The following CA1 variants were observed in gnomAD, a reference collection of about 807,000 sequenced individuals.
CA1 encodes carbonate dehydratase I.
Under a neutral mutation model 28.8 loss-of-function variants are expected in CA1, and 27 were observed. That is an observed-to-expected ratio of 0.94 (90% CI 0.69 to 1.29). The LOEUF (loss-of-function observed/expected upper bound fraction) is 1.29. Ranked by LOEUF, CA1 falls within the 50% of genes most tolerant of loss-of-function variation. The pLI is 0.00. For missense variants in CA1, 335 were observed against 310.5 expected, an observed-to-expected ratio of 1.08 and a Z score of -0.59; for synonymous variants, 121 against 108.8, an observed-to-expected ratio of 1.11 and a Z score of -0.70.
intron 1 of CA1, among the ~76,000 whole-genome samples, chr8:85,344,150 T>TATAAAATATA (rs1321816205): frequency 1.3e-4 from 18 of 133,836 alleles, no homozygotes; most frequent in Non-Finnish European, 2.8e-4. Context: ...TAATTATATA[T>TATAAAATATA]TATATACTGT....
At chr8:85,345,906 T>C (rs529258818) in intron 1 of CA1, among the ~76,000 whole-genome samples, 51 of 152,216 alleles carry the variant, frequency 3.4e-4, no homozygotes, top group Non-Finnish European at 3.7e-4. Flanking sequence ...ATCTAACTCT[T>C]CAAATATAGT....
At chr8:85,353,184 T>C (rs749126133) in intron 1 of CA1, among the ~76,000 whole-genome samples, 3 of 152,236 alleles carry the variant, frequency 2.0e-5, no homozygotes, top group Non-Finnish European at 2.9e-5. Context: ...TGTGCCACAC[T>C]AATAACTAAC....
chr8:85,332,881 A>G (rs577260882), intron 5 of CA1, among the ~76,000 whole-genome samples: 3 of 152,304 alleles, frequency 2.0e-5, no homozygotes, highest in African/African-American at 4.8e-5. Flanking sequence ...GGTCTGTTAT[A>G]TTAGTTTTCA....
intron 1 of CA1, among the ~76,000 whole-genome samples, chr8:85,348,635 A>G (rs879534509): frequency 1.3e-5 from 2 of 152,344 alleles, no homozygotes; most frequent in East Asian, 3.9e-4. Context: ...AGTATCTACA[A>G]CGTTCCTTTA....
chr8:85,329,771 G>A lies in CA1; in HGVS notation c.587C>T (p.Pro196Leu), dbSNP rs61734484. 4,565 of 1,605,782 alleles carry A rather than the reference G, an allele frequency of 2.8e-3. 113 individuals are homozygous for A. In the African/African-American group the frequency reaches 0.052, roughly 18 times the overall value. ...AAGAGGAGGATGAGTCAGAGAGCCA[G>A]GGTAGGTCCAGAAATCCAGGGATGA... ...LPSSLDFWTYPGSLTHPPLYE... is the reference protein window; with the variant it reads ...LPSSLDFWTYLGSLTHPPLYE... The change falls in exon 7 of 8, where the codon CCT becomes CTT. Residue 196 changes from proline (P) to leucine (L), a missense_variant. By Grantham distance (98) the Pro-to-Leu change is moderately conservative (BLOSUM62 -3). Transcript: ENST00000523022.
In CA1 at chr8:85,328,535, A is replaced by G; in HGVS notation, c.*25T>C. The G allele has an allele frequency of 8.0e-7, 1 of 1,248,422 alleles. No homozygotes were observed. The highest frequency in any genetic ancestry group is 1.2e-5 in the South Asian group (1 of 82,948). 77.3% of individuals were successfully genotyped at this position (1,248,422 alleles called of 1,614,324 possible). ...CAGAAGCAGGGCTGTGTTCTTGAGG[A>G]AGGACAAGTTTCTTCTCAGAATCAT... is the stretch of plus-strand genomic sequence containing the variant. On this transcript the variant is annotated 3_prime_UTR_variant, in exon 8 of 8. Coordinates refer to ENST00000523022, the MANE Select transcript of CA1 (RefSeq NM_001128831.4).
chr8:85,372,778 A>G (rs1052967365), intron 1 of CA1, among the ~76,000 whole-genome samples: 1 of 151,850 alleles, frequency 6.6e-6, no homozygotes, highest in African/African-American at 2.4e-5. Context: ...ACAGCATCCC[A>G]CTCCATCCTG....
intron 4 of CA1, among the ~76,000 whole-genome samples, chr8:85,334,991 A>AAAAT (rs1187149137): frequency 2.6e-5 from 3 of 117,316 alleles, no homozygotes; most frequent in African/African-American, 1.2e-4. Context: ...CTCTTTCTCA[A>AAAAT]AAATAAATAA....
chr8:85,371,865 G>T (rs1810239349), intron 1 of CA1, among the ~76,000 whole-genome samples: 1 of 152,114 alleles, frequency 6.6e-6, no homozygotes, highest in Non-Finnish European at 1.5e-5. Flanking sequence ...GTGGCTAAAA[G>T]AATTGTGGCC....
chr8:85,347,520 G>A (rs1809246091), intron 1 of CA1, among the ~76,000 whole-genome samples: 1 of 152,174 alleles, frequency 6.6e-6, no homozygotes, highest in African/African-American at 2.4e-5. Context: ...TGCCTTGCCT[G>A]TAATTTCAGG....
intron 1 of CA1, among the ~76,000 whole-genome samples, chr8:85,377,700 G>A (rs1810469815): frequency 6.6e-6 from 1 of 152,150 alleles, no homozygotes; most frequent in Non-Finnish European, 1.5e-5. Flanking sequence ...CTACTCGGGA[G>A]GCTGAGGCAG....
chr8:85,352,152 C>A (rs759674869), intron 1 of CA1, among the ~76,000 whole-genome samples: 16 of 152,248 alleles, frequency 1.1e-4, no homozygotes, highest in Non-Finnish European at 2.1e-4. Context: ...AGGTCTGCAT[C>A]CAAATCATTC....
At chr8:85,361,536 G>C (rs752075591) in intron 1 of CA1, among the ~76,000 whole-genome samples, 3 of 151,978 alleles carry the variant, frequency 2.0e-5, no homozygotes, top group Non-Finnish European at 4.4e-5. Context: ...AGTTAGCCGG[G>C]CATGGTGGCA....
intron 1 of CA1, among the ~76,000 whole-genome samples, chr8:85,363,747 A>G (rs190555419): frequency 2.0e-5 from 3 of 152,232 alleles, no homozygotes; most frequent in African/African-American, 7.2e-5. Flanking sequence ...TTGCTCCCTC[A>G]TATCCAGCTA....
chr8:85,346,394 A>G (rs1337353755), intron 1 of CA1, among the ~76,000 whole-genome samples: 1 of 152,218 alleles, frequency 6.6e-6, no homozygotes, highest in Non-Finnish European at 1.5e-5. Flanking sequence ...AATGAGTCTT[A>G]TAGAACAGAT....
In CA1 at chr8:85,337,921, T is replaced by G. The variant is rs190976002; in HGVS notation, c.235+331A>C. 7.1e-4 allele frequency: 290 copies of G among 405,806 alleles called. 2 individuals carry two copies. The highest frequency in any genetic ancestry group is 4.6e-3 in the African/African-American group (226 of 48,878). 25.1% of individuals were successfully genotyped at this position (405,806 alleles called of 1,614,324 possible). ...ATTAGAAAATATTTTTCTTTTTAGT[T>G]GTTATATTTGTAATGACTGGTTCAC... On this transcript the variant is annotated intron_variant, in intron 3 of 7. Coordinates refer to ENST00000523022, the MANE Select transcript of CA1 (RefSeq NM_001128831.4).
chr8:85,373,177 T>A (rs1810293546), intron 1 of CA1, among the ~76,000 whole-genome samples: 1 of 152,210 alleles, frequency 6.6e-6, no homozygotes, highest in Admixed American at 6.5e-5. Flanking sequence ...AAGTTACAGC[T>A]ACAGTGCAAG....
intron 1 of CA1, among the ~76,000 whole-genome samples, chr8:85,368,197 C>G (rs1810083606): frequency 6.6e-6 from 1 of 151,692 alleles, no homozygotes; most frequent in East Asian, 1.9e-4. Context: ...GAGGCAGAGT[C>G]TCACTCTGTT....
chr8:85,359,896 G>A (rs1809729809), intron 1 of CA1, among the ~76,000 whole-genome samples: 1 of 152,122 alleles, frequency 6.6e-6, no homozygotes, highest in Non-Finnish European at 1.5e-5. Context: ...CCACTTACTG[G>A]TATTGTGTAT....
Sources: allele counts gnomAD v4.1 joint callset (sites outside exome capture counted in the v4.1 genomes callset), GRCh38; gene constraint gnomAD v4.1.1; transcripts MANE v1.5; gene names NCBI Gene and HGNC (gene_info 2026-07-23, HGNC 2026-07-21).